Variants in PALM2AKAP2 observed in about 807,000 individuals in gnomAD.
PALM2AKAP2 encodes the protein PALM2-AKAP2 fusion protein.
Under a neutral mutation model 71.5 loss-of-function variants are expected in PALM2AKAP2, and 37 were observed. That is an observed-to-expected ratio of 0.52 (90% CI 0.40 to 0.68). The LOEUF (loss-of-function observed/expected upper bound fraction) is 0.68, where lower values mean the gene tolerates loss of function less well. Among genes scored for constraint, PALM2AKAP2 ranks in the 30% least tolerant of loss-of-function variants. PALM2AKAP2 has a pLI of 0.00. For synonymous variants in PALM2AKAP2, 468 were observed against 478.8 expected, an observed-to-expected ratio of 0.98 and a Z score of 0.29; for missense variants, 1,224 against 1,191.8, an observed-to-expected ratio of 1.03 and a Z score of -0.40.
intron 6 of PALM2AKAP2, among the ~76,000 whole-genome samples, chr9:109,952,301 A>T (rs775676969): frequency 4.7e-4 from 72 of 152,384 alleles, no homozygotes; most frequent in Admixed American, 5.2e-4. Context: ...CTCCAAAAAA[A>T]AAGTTTCAAA....
At chr9:110,135,366 A>G (rs1016975223) in intron 1 of PALM2AKAP2, among the ~76,000 whole-genome samples, 1 of 147,190 alleles carries the variant, frequency 6.8e-6, no homozygotes, top group African/African-American at 2.5e-5. Flanking sequence ...AAAAAAAAAA[A>G]AAGAAAAATA....
chr9:110,149,667 T>G lies in PALM2AKAP2; in HGVS notation c.2570-6652T>G, dbSNP rs1019912425. Among the ~76,000 whole-genome samples the G allele has an allele frequency of 2.0e-5, 3 of 152,158 alleles. No individual in the cohort carries two copies. In the South Asian group the frequency reaches 6.2e-4, roughly 31 times the overall value. On this transcript the variant is annotated intron_variant, in intron 2 of 3. Coordinates refer to ENST00000374525, the Ensembl canonical transcript of PALM2AKAP2. ...AATATAGTAGCTTAAAAAATATGCA[T>G]TTAGCCAGGCACAGTGGCTCATGCC...
chr9:109,820,402 G>A lies in PALM2AKAP2; in HGVS notation c.45+39869G>A, dbSNP rs893445984. Among the ~76,000 whole-genome samples the A allele has an allele frequency of 6.6e-5, 10 of 152,162 alleles. No individual in the cohort carries two copies. The East Asian group carries it at 1.3e-3, about 21-fold the overall frequency. On this transcript the variant is annotated intron_variant, in intron 1 of 9. Coordinates refer to the PALM2AKAP2 transcript ENST00000302798. Reference sequence around the variant, plus strand: ...TGGGATGCTCCAGTGGTGAGATGCCGTCACCTCAGTCCATTGTGTTAGTTT... The same window carrying A: ...TGGGATGCTCCAGTGGTGAGATGCCATCACCTCAGTCCATTGTGTTAGTTT...
At chr9:109,745,001 C>T (rs1234970602) in intron 1 of PALM2AKAP2, among the ~76,000 whole-genome samples, 1 of 152,178 alleles carries the variant, frequency 6.6e-6, no homozygotes, top group Non-Finnish European at 1.5e-5. Flanking sequence ...GCTTCCAGAG[C>T]TCCTTCTTCT....
At chr9:109,828,804 T>C (rs997318127) in intron 1 of PALM2AKAP2, among the ~76,000 whole-genome samples, 1 of 152,218 alleles carries the variant, frequency 6.6e-6, no homozygotes, top group Admixed American at 6.5e-5. Context: ...AAGGAAAGAA[T>C]AGAATAATAT....
At chr9:109,849,082 G>A (rs1453062819) in intron 1 of PALM2AKAP2, among the ~76,000 whole-genome samples, 1 of 152,132 alleles carries the variant, frequency 6.6e-6, no homozygotes, top group East Asian at 1.9e-4. Flanking sequence ...AAGGATGGAA[G>A]CAAGGAGGGA....
chr9:109,969,801 G>C (rs1042587298), intron 6 of PALM2AKAP2, among the ~76,000 whole-genome samples: 6 of 143,312 alleles, frequency 4.2e-5, no homozygotes, highest in African/African-American at 1.3e-4. Context: ...CCCACCCCAA[G>C]TGCAGCCTAC....
chr9:109,997,306 C>T (rs77870160), intron 6 of PALM2AKAP2, among the ~76,000 whole-genome samples: 9 of 152,096 alleles, frequency 5.9e-5, no homozygotes, highest in East Asian at 1.9e-4. Flanking sequence ...ATCTGCAGAG[C>T]GGGGATAATA....
chr9:109,681,982 A>T (rs768414276), intron 1 of PALM2AKAP2, among the ~76,000 whole-genome samples: 1 of 152,216 alleles, frequency 6.6e-6, no homozygotes, highest in Non-Finnish European at 1.5e-5. Context: ...CAATAATGCT[A>T]ACCTGAAGCC....
At chr9:109,771,674 C>G (rs1564141731) in intron 1 of PALM2AKAP2, among the ~76,000 whole-genome samples, 2 of 152,276 alleles carry the variant, frequency 1.3e-5, no homozygotes, top group East Asian at 3.9e-4. Flanking sequence ...ATTTCAATGA[C>G]TTGTCCACTG....
chr9:109,642,622 A>G (rs778883278), intron 1 of PALM2AKAP2, among the ~76,000 whole-genome samples: 2 of 151,634 alleles, frequency 1.3e-5, no homozygotes, highest in African/African-American at 2.4e-5. Flanking sequence ...CAATGGCGCT[A>G]TCATGGCTCA....
intron 2 of PALM2AKAP2, among the ~76,000 whole-genome samples, chr9:110,143,779 G>A (rs150609691): frequency 6.6e-6 from 1 of 152,146 alleles, no homozygotes; most frequent in Non-Finnish European, 1.5e-5. Flanking sequence ...CATTCACCCC[G>A]TGAGACCTAC....
At chr9:109,728,951 A>G (rs1244640866) in intron 1 of PALM2AKAP2, among the ~76,000 whole-genome samples, 1 of 152,208 alleles carries the variant, frequency 6.6e-6, no homozygotes, top group Non-Finnish European at 1.5e-5. Flanking sequence ...ACCTTTGAAT[A>G]ATATATGTGC....
At chr9:109,978,885 G>C (rs1024738574) in intron 6 of PALM2AKAP2, among the ~76,000 whole-genome samples, 25 of 152,224 alleles carry the variant, frequency 1.6e-4, no homozygotes, top group African/African-American at 5.1e-4. Context: ...CCATTTCTCT[G>C]ACTGAGCTGG....
chr9:109,813,946 CCTT>C (rs1216481069), intron 1 of PALM2AKAP2, among the ~76,000 whole-genome samples: 2 of 152,210 alleles, frequency 1.3e-5, no homozygotes, highest in East Asian at 3.9e-4. Context: ...TTCCCAGCAT[CCTT>C]CTTGCTGGTT....
Position 109,759,341 on chromosome 9 carries a change from G to A in PALM2AKAP2, c.6-21147G>A, listed in dbSNP as rs536046151. ...ATTTCATAGAATGGTAGAATGTTTT[G>A]TAAGTGTACATGTAAAAATTAATCA... is the stretch of plus-strand genomic sequence containing the variant. On this transcript the variant is annotated intron_variant, in intron 1 of 6. Transcript: ENST00000374531. Among the ~76,000 whole-genome samples, 192 of 152,116 alleles carry A rather than the reference G, an allele frequency of 1.3e-3. 1 individual carries two copies. Among genetic ancestry groups the A allele is most frequent in the African/African-American group, 3.6e-3 (151 of 41,500 alleles).
At chr9:109,675,500 A>C (rs10979992) in intron 1 of PALM2AKAP2, among the ~76,000 whole-genome samples, 1 of 151,974 alleles carries the variant, frequency 6.6e-6, no homozygotes, top group South Asian at 2.1e-4. Flanking sequence ...TTGCCTCCAT[A>C]CTTGTTTGGC....
chr9:109,904,035 A>G (rs1000587732), intron 3 of PALM2AKAP2, among the ~76,000 whole-genome samples: 2 of 152,228 alleles, frequency 1.3e-5, no homozygotes, highest in African/African-American at 4.8e-5. Flanking sequence ...GCTTTGGTTT[A>G]TCTTATAAAT....
chr9:110,138,066 C>CTGAAGG (rs2119113923), exon 2 of PALM2AKAP2: 1 of 1,614,020 alleles, frequency 6.2e-7, no homozygotes. Flanking sequence ...GTAGAGGAAG[C>CTGAAGG]TGAAGCTGCG....
Sources: gnomAD v4.1 joint callset for allele counts (sites outside exome capture counted in the v4.1 genomes callset) on GRCh38, gnomAD v4.1.1 for gene constraint, MANE v1.5 for transcripts, NCBI Gene and HGNC (gene_info 2026-07-23, HGNC 2026-07-21) for gene names.